The following RSAD2 variants were observed in gnomAD, a reference collection of about 807,000 sequenced individuals.
RSAD2 encodes the protein S-adenosylmethionine-dependent nucleotide dehydratase RSAD2.
Under a neutral mutation model 37.7 loss-of-function variants are expected in RSAD2, and 38 were observed. That is an observed-to-expected ratio of 1.01 (90% CI 0.78 to 1.32). RSAD2 has a LOEUF of 1.32. Among genes scored for constraint, RSAD2 ranks in the 40% most tolerant of loss-of-function variants. The probability of loss-of-function intolerance (pLI) is 0.00; values close to 1 mark genes in which losing one functional copy is unlikely to be tolerated. For missense variants in RSAD2, 428 were observed against 437.5 expected (o/e 0.98, Z 0.19); for synonymous variants, 163 against 157.4 (o/e 1.04, Z -0.27).
At chr2:6,888,483 G>A (rs1436795464) in intron 3 of RSAD2, among the ~76,000 whole-genome samples, 1 of 152,174 alleles carries the variant, frequency 6.6e-6, no homozygotes, top group Non-Finnish European at 1.5e-5. Context: ...TAGACATGTT[G>A]ACTTTCCTGC....
chr2:6,895,534 C>A (rs907548310), intron 5 of RSAD2, among the ~76,000 whole-genome samples: 1 of 152,216 alleles, frequency 6.6e-6, no homozygotes, highest in Admixed American at 6.5e-5. Flanking sequence ...CCATGCGGGG[C>A]GCATATCATT....
chr2:6,875,346 C>G (rs977451417), upstream of RSAD2, among the ~76,000 whole-genome samples: 2 of 152,136 alleles, frequency 1.3e-5, no homozygotes, highest in Non-Finnish European at 2.9e-5. Context: ...TTCCCCTACT[C>G]GAATTATTCA....
At position 6,870,759 on chromosome 2, in the gene RSAD2, C is replaced by G. The variant is rs139451286; in HGVS notation, c.142+4714C>G. 2.2e-3 allele frequency among the ~76,000 whole-genome samples: 331 copies of G among 152,252 alleles called. 2 individuals are homozygous for G. Among genetic ancestry groups the G allele is most frequent in the East Asian group, 1.7e-3 (9 of 5,176 alleles). On this transcript the variant is annotated intron_variant, in intron 1 of 5. Transcript: ENST00000442639. ...GTTTAGCAAGGGCTTCTCAGTCAGT[C>G]TATGCCAGTCTATAAGGTTTTGTGG...
Position 6,886,986 on chromosome 2 carries a change from T to C in RSAD2, c.560T>C (p.Val187Ala). Residue 187 changes from valine to alanine, a missense_variant, in exon 3 of 6, where the codon GTC (valine) becomes GCC (alanine). Coordinates refer to ENST00000382040, the MANE Select transcript of RSAD2 (RefSeq NM_080657.5). ...AISCDSFDEEVNVLIGRGQGK... is the reference protein window; with the variant it reads ...AISCDSFDEEANVLIGRGQGK... ...TCCTGTGACAGCTTTGACGAGGAAGTCAATGTCCTTATTGGCCGTGGCCAA... is the reference window on the plus strand; with the variant it reads ...TCCTGTGACAGCTTTGACGAGGAAGCCAATGTCCTTATTGGCCGTGGCCAA... The C allele has an allele frequency of 6.2e-7, 1 of 1,614,198 alleles. No homozygotes were observed. The highest frequency in any genetic ancestry group is 1.1e-5 in the South Asian group (1 of 91,086).
At chr2:6,878,746 G>A (rs925329546) in intron 1 of RSAD2, 41 of 887,236 alleles carry the variant, frequency 4.6e-5, no homozygotes, top group East Asian at 1.3e-4. Flanking sequence ...AACTCAGCAC[G>A]TGACCTTCGA....
Position 6,890,372 on chromosome 2 carries a change from T to G in RSAD2, c.888+47T>G, listed in dbSNP as rs1353799713. ...TTTCTTTGTCATCATACATTCAGAT[T>G]GATTCCCAAAAGGGAAGTCTCTCAG... On this transcript the variant is annotated intron_variant, in intron 4 of 5. Coordinates refer to ENST00000382040, the MANE Select transcript of RSAD2 (RefSeq NM_080657.5). The G allele has an allele frequency of 2.5e-6, 4 of 1,596,248 alleles. No homozygotes were observed. The Admixed American group carries it at 5.1e-5, about 20-fold the overall frequency.
upstream of RSAD2, among the ~76,000 whole-genome samples, chr2:6,873,512 A>G (rs749979388): frequency 2.0e-5 from 3 of 152,194 alleles, no homozygotes; most frequent in Non-Finnish European, 2.9e-5. Flanking sequence ...CTAGTAAACT[A>G]AGAGTCTGTG....
At chr2:6,885,042 T>C (rs1663489273) in intron 2 of RSAD2, among the ~76,000 whole-genome samples, 2 of 152,104 alleles carry the variant, frequency 1.3e-5, no homozygotes, top group African/African-American at 2.4e-5. Context: ...TCACTACCTC[T>C]CCAAGTTTGG....
chr2:6,882,625 T>C (rs1663436179), intron 1 of RSAD2, among the ~76,000 whole-genome samples: 1 of 152,122 alleles, frequency 6.6e-6, no homozygotes, highest in Non-Finnish European at 1.5e-5. Flanking sequence ...CTTTATAACA[T>C]AAAGAGCTAT....
At chr2:6,872,380 G>A (rs1419226791) in intron 1 of RSAD2, among the ~76,000 whole-genome samples, 2 of 152,144 alleles carry the variant, frequency 1.3e-5, no homozygotes, top group African/African-American at 4.8e-5. Flanking sequence ...TGTGTCTGTT[G>A]AAATTGTAAA....
intron 1 of RSAD2, among the ~76,000 whole-genome samples, chr2:6,882,967 A>G (rs1370093185): frequency 6.6e-6 from 1 of 151,296 alleles, no homozygotes; most frequent in Non-Finnish European, 1.5e-5. Flanking sequence ...GAGTAGCCCA[A>G]GAGGGTGGGC....
intron 2 of RSAD2, 105 bp from the exon 3 acceptor site, chr2:6,886,830 C>G: frequency 1.2e-6 from 1 of 810,796 alleles, no homozygotes; most frequent in African/African-American, 1.7e-5. Context: ...GGAAAAGTGT[C>G]TTTTTAAAAA....
intron 2 of RSAD2, among the ~76,000 whole-genome samples, chr2:6,886,476 T>C (rs950340974): frequency 2.6e-5 from 4 of 152,216 alleles, no homozygotes; most frequent in African/African-American, 9.6e-5. Context: ...GTCAAGAAGA[T>C]GTCCAGAAGA....
chr2:6,893,689 A>T lies in RSAD2; in HGVS notation c.907A>T (p.Ile303Phe). Residue 303 changes from isoleucine (I) to phenylalanine (F), a missense_variant, in exon 5 of 6, where the codon ATT becomes TTT. By Grantham distance (21) the Ile-to-Phe change is conservative. Coordinates refer to ENST00000382040, the MANE Select transcript of RSAD2 (RefSeq NM_080657.5). ...SNQKMKDSYL[I>F]LDEYMRFLNC... ...TTTGCAGATGAAAGACTCCTACCTT[A>T]TTCTGGATGAATATGTGAGTATTTC... 1 of 1,606,136 alleles carries T rather than the reference A, an allele frequency of 6.2e-7. No homozygotes were observed. Among genetic ancestry groups the T allele is most frequent in the Non-Finnish European group, 8.5e-7 (1 of 1,173,012 alleles).
At position 6,891,630 on chromosome 2, in the gene RSAD2, G is replaced by A. The variant is rs528238304; in HGVS notation, c.888+1305G>A. 3.9e-5 allele frequency among the ~76,000 whole-genome samples: 6 copies of A among 152,130 alleles called. No homozygotes were observed. In the East Asian group the frequency reaches 1.2e-3, roughly 29 times the overall value. On this transcript the variant is annotated intron_variant, in intron 4 of 5. Transcript: ENST00000382040. ...AAAATACAAAAAATTAGCCGGGCGT[G>A]GTTGCGGGCGCCTGTAGTCCCAGCT...
At chr2:6,883,281 T>A in intron 1 of RSAD2, 90 bp from the exon 2 acceptor site, 3 of 1,386,146 alleles carry the variant, frequency 2.2e-6, no homozygotes, top group Non-Finnish European at 3.0e-6. Context: ...GTTTTATTTC[T>A]TTTTTTTACA....
rs565568491 is a variant in RSAD2, at chr2:6,878,147, G to T, written c.346+1G>T. The T allele has an allele frequency of 2.6e-4, 422 of 1,611,350 alleles. 7 individuals carry two copies. The South Asian group carries it at 4.4e-3, about 17-fold the overall frequency. On this transcript the variant is annotated splice_donor_variant, in intron 1 of 5. Coordinates refer to ENST00000382040, the MANE Select transcript of RSAD2 (RefSeq NM_080657.5). LOFTEE classifies it high-confidence loss of function. ...GGATTGCTTTTGCTTAAGGAAGCTG[G>T]TGAGTACATGGTCCTAGACAGAAAT...
intron 5 of RSAD2, among the ~76,000 whole-genome samples, chr2:6,895,331 C>T (rs748177257): frequency 1.7e-4 from 26 of 152,302 alleles, no homozygotes; most frequent in Non-Finnish European, 3.2e-4. Context: ...CATGCATGCA[C>T]GGATGCATGC....
intron 5 of RSAD2, among the ~76,000 whole-genome samples, chr2:6,894,787 C>A (rs1392480163): frequency 1.3e-5 from 2 of 152,156 alleles, no homozygotes; most frequent in Non-Finnish European, 2.9e-5. Flanking sequence ...ATTGTTTATA[C>A]CCATTTCATT....
Sources: allele counts gnomAD v4.1 joint callset (sites outside exome capture counted in the v4.1 genomes callset), GRCh38; gene constraint gnomAD v4.1.1; transcripts MANE v1.5; gene names NCBI Gene and HGNC (gene_info 2026-07-23, HGNC 2026-07-21).